The following DZIP1 variants were observed in gnomAD, a reference collection of about 807,000 sequenced individuals.
DZIP1 encodes the protein cilium assembly protein DZIP1.
In DZIP1, 97 loss-of-function variants were observed where a neutral mutation model predicts 107.6. That is an observed-to-expected ratio of 0.90 (90% CI 0.77 to 1.07). The LOEUF is 1.07. Ranked by LOEUF, DZIP1 falls within the 50% of genes least tolerant of loss-of-function variation. The probability of loss-of-function intolerance (pLI) is 0.00; values close to 1 mark genes in which losing one functional copy is unlikely to be tolerated. For missense variants in DZIP1, 1,035 were observed against 1,063.6 expected (o/e 0.97, Z 0.37); for synonymous variants, 390 against 386.4 (o/e 1.01, Z -0.11).
rs555547604 is a variant in DZIP1, at chr13:95,615,892, G to A, written c.1174-3715C>T. ...GAACTCTTAGAAGGCTTAAGTATAT[G>A]GCAACTACAAATATCCATTTATTTC... On this transcript the variant is annotated intron_variant, in intron 10 of 22. Coordinates refer to ENST00000376829, the MANE Select transcript of DZIP1 (RefSeq NM_198968.4). 2.0e-5 allele frequency among the ~76,000 whole-genome samples: 3 copies of A among 152,284 alleles called. No individual in the cohort carries two copies. The South Asian group carries it at 6.2e-4, about 32-fold the overall frequency.
Position 95,610,109 on chromosome 13 carries a change from TGTGA to T in DZIP1, c.1364-600_1364-597del, listed in dbSNP as rs1359061745. Among the ~76,000 whole-genome samples the T allele has an allele frequency of 7.2e-5, 9 of 125,686 alleles. No individual in the cohort carries two copies. In the South Asian group the frequency reaches 1.0e-3, roughly 14 times the overall value. The allele number at this position is 125,686 out of a possible 152,430, so 82.5% of individuals were successfully genotyped here. ...GTGTGTGTGTGTGTGTGTGTGTGTG[TGTGA>T]GAGAGAGACAGAGAGAGAGAGACAG... On this transcript the variant is annotated intron_variant, in intron 12 of 22. Transcript: ENST00000376829.
At position 95,634,085 on chromosome 13, in the gene DZIP1, C is replaced by G. The variant is rs369162592; in HGVS notation, c.598-764G>C. On this transcript the variant is annotated intron_variant, in intron 5 of 22. Transcript: ENST00000376829. ...GTTAGACTGACAGCTTCCACTCTAT[C>G]AACAACAACCTGCCCCTGCCACTCC... Among the ~76,000 whole-genome samples the G allele has an allele frequency of 7.9e-5, 12 of 152,268 alleles. No individual in the cohort carries two copies. The East Asian group carries it at 2.3e-3, about 29-fold the overall frequency.
intron 15 of DZIP1, 130 bp from the exon 16 acceptor site, chr13:95,594,216 A>G: frequency 1.3e-6 from 1 of 753,582 alleles, no homozygotes; most frequent in South Asian, 2.0e-5. Context: ...AAGTTTTTGG[A>G]TATTTTAGTC....
chr13:95,644,685 C>G lies in DZIP1; in HGVS notation c.-834G>C, dbSNP rs1389394466. 2.0e-5 allele frequency: 3 copies of G among 147,306 alleles called. No homozygotes were observed. The highest frequency in any genetic ancestry group is 2.1e-4 in the East Asian group (1 of 4,686). 9.1% of individuals were successfully genotyped at this position (147,306 alleles called of 1,614,324 possible). A position where few individuals can be genotyped will look rare whatever the true frequency, so the allele number is the denominator to read the frequency against. On this transcript the variant is annotated 5_prime_UTR_variant, in exon 1 of 23. Coordinates refer to ENST00000376829, the MANE Select transcript of DZIP1 (RefSeq NM_198968.4). ...CTCCGCGATCTCCCTCCGGCCTCTT[C>G]CCTCGGTGTCCCGGCTCCTCTGGCA... is the stretch of plus-strand genomic sequence containing the variant.
intron 9 of DZIP1, among the ~76,000 whole-genome samples, chr13:95,621,665 A>AGTGTGTGTGTGTGTGTGTGT: frequency 1.6e-5 from 2 of 123,418 alleles, no homozygotes; most frequent in South Asian, 3.3e-4. Context: ...ACCAGTTAGC[A>AGTGTGTGTGTGTGTGTGTGT]GTGTGTGTGT....
intron 14 of DZIP1, among the ~76,000 whole-genome samples, chr13:95,604,245 T>C (rs1486262844): frequency 6.6e-6 from 1 of 152,174 alleles, no homozygotes; most frequent in Non-Finnish European, 1.5e-5. Flanking sequence ...TTTTTCATGG[T>C]AAAGAACCTC....
In DZIP1 at chr13:95,630,070, G is replaced by A. The variant is rs147346095; in HGVS notation, c.729C>T (p.Ile243=). The change falls in exon 7 of 23, where the codon ATC becomes ATT. Residue 243 remains isoleucine (I), a synonymous_variant. Coordinates refer to ENST00000376829, the MANE Select transcript of DZIP1 (RefSeq NM_198968.4). ...GCTGCAGCTCTTCCTTCAATACGAC[G>A]ATCTCACTCCGGAGCTTCTCAATCT... is the stretch of plus-strand genomic sequence containing the variant. ...NAQIEKLRSE[I]VVLKEELQLT... The A allele has an allele frequency of 6.6e-4, 1,058 of 1,613,718 alleles. No individual in the cohort carries two copies. Among genetic ancestry groups the A allele is most frequent in the Admixed American group, 1.3e-3 (79 of 59,936 alleles).
At chr13:95,601,162 G>A (rs994599865) in intron 14 of DZIP1, among the ~76,000 whole-genome samples, 3 of 152,104 alleles carry the variant, frequency 2.0e-5, no homozygotes, top group African/African-American at 7.2e-5. Flanking sequence ...GTTTCCCTCT[G>A]TGTACAGAGG....
intron 13 of DZIP1, among the ~76,000 whole-genome samples, chr13:95,606,487 A>T (rs1478885727): frequency 2.0e-5 from 3 of 152,238 alleles, no homozygotes; most frequent in Non-Finnish European, 4.4e-5. Flanking sequence ...GCAATCATAC[A>T]GTATGTGGTC....
rs759599792 is a variant in DZIP1, at chr13:95,641,998, C to T, written c.32G>A (p.Ser11Asn). MQAEAADWFS[S>N]MPFQKHVYYP... Reference sequence around the variant, plus strand: ...CCCCGGCCTCCCGCCTCTTACCATGCTTGAAAACCAATCCGCTGCCTCAGC... The same window carrying T: ...CCCCGGCCTCCCGCCTCTTACCATGTTTGAAAACCAATCCGCTGCCTCAGC... Residue 11 changes from serine (S) to asparagine (N), a missense_variant, in exon 4 of 23, where the codon AGC becomes AAC. Ser to Asn is a conservative substitution (Grantham distance 46). Transcript: ENST00000376829. The surrounding 1 kb of genome is among the most constrained non-coding windows in gnomAD (Gnocchi z 4.3). 2 of 1,579,552 alleles carry T rather than the reference C, an allele frequency of 1.3e-6. No homozygotes were observed. Among genetic ancestry groups the T allele is most frequent in the East Asian group, 2.5e-5 (1 of 40,128 alleles).
At chr13:95,624,197 T>A (rs1447042712) in intron 8 of DZIP1, among the ~76,000 whole-genome samples, 2 of 152,218 alleles carry the variant, frequency 1.3e-5, no homozygotes, top group South Asian at 4.1e-4. Flanking sequence ...TCAGGTCAAG[T>A]CTAACCAGGG....
intron 21 of DZIP1, among the ~76,000 whole-genome samples, chr13:95,585,338 C>A (rs985475300): frequency 6.6e-6 from 1 of 152,124 alleles, no homozygotes; most frequent in African/African-American, 2.4e-5. Context: ...ACAGTTCTAC[C>A]ATGCCCTTCC....
intron 20 of DZIP1, 127 bp from the exon 21 acceptor site, chr13:95,586,263 T>G (rs2044158574): frequency 1.4e-6 from 1 of 740,584 alleles, no homozygotes; most frequent in Non-Finnish European, 2.0e-6. Flanking sequence ...ATTATTAAAA[T>G]AAAATCAGTT....
At chr13:95,595,661 A>C (rs1566370981) in intron 15 of DZIP1, among the ~76,000 whole-genome samples, 1 of 152,160 alleles carries the variant, frequency 6.6e-6, no homozygotes, top group Admixed American at 6.6e-5. Context: ...AGGGCCAAAA[A>C]TAAAAAGAGG....
intron 6 of DZIP1, among the ~76,000 whole-genome samples, chr13:95,631,837 G>T (rs1310125276): frequency 6.6e-6 from 1 of 152,076 alleles, no homozygotes; most frequent in African/African-American, 2.4e-5. Flanking sequence ...ACTCCCTCAT[G>T]ATACTCAGCT....
At chr13:95,591,728 T>C (rs1594651839) in intron 16 of DZIP1, among the ~76,000 whole-genome samples, 1 of 152,378 alleles carries the variant, frequency 6.6e-6, no homozygotes, top group African/African-American at 2.4e-5. Context: ...TCCTATACCA[T>C]GTAGCTGGAG....
At chr13:95,637,485 T>A (rs1877940868) in intron 5 of DZIP1, among the ~76,000 whole-genome samples, 1 of 152,072 alleles carries the variant, frequency 6.6e-6, no homozygotes, top group South Asian at 2.1e-4. Context: ...ACACCTGTAG[T>A]CCCAGCTACT....
chr13:95,597,375 A>G (rs1224297921), intron 15 of DZIP1, among the ~76,000 whole-genome samples: 1 of 152,112 alleles, frequency 6.6e-6, no homozygotes, highest in Non-Finnish European at 1.5e-5. Flanking sequence ...GGGATTTTAT[A>G]TCTTGGACAT....
chr13:95,610,919 C>G (rs953785617), intron 12 of DZIP1, among the ~76,000 whole-genome samples: 6 of 152,332 alleles, frequency 3.9e-5, no homozygotes, highest in Admixed American at 1.3e-4. Flanking sequence ...CACCAGATGT[C>G]AGCACCATGC....
Sources: allele counts gnomAD v4.1 joint callset (sites outside exome capture counted in the v4.1 genomes callset), GRCh38; gene constraint gnomAD v4.1.1; non-coding constraint Gnocchi (gnomAD v3.1); transcripts MANE v1.5; gene names NCBI Gene and HGNC (gene_info 2026-07-23, HGNC 2026-07-21).